The following KAZN variants were observed in gnomAD, a reference collection of about 807,000 sequenced individuals.
The protein encoded by KAZN is kazrin.
A neutral mutation model predicts 87.4 loss-of-function variants in KAZN; 40 were observed. The observed-to-expected ratio is 0.46, with a 90% CI of 0.36 to 0.60. KAZN has a LOEUF of 0.60. Among genes scored for constraint, KAZN ranks in the 20% least tolerant of loss-of-function variants. The pLI is 0.00. For synonymous variants in KAZN, 466 were observed against 458.3 expected (o/e 1.02, Z -0.22); for missense variants, 898 against 1,073.9 (o/e 0.84, Z 2.29).
At chr1:14,217,677 T>G (rs1646989068) in intron 2 of KAZN, among the ~76,000 whole-genome samples, 1 of 152,050 alleles carries the variant, frequency 6.6e-6, no homozygotes, top group Non-Finnish European at 1.5e-5. Context: ...ATTGTTTAAA[T>G]TACATATTGA....
chr1:15,065,027 CTTTTTTTTT>C (rs780410306), intron 7 of KAZN, among the ~76,000 whole-genome samples: 1 of 102,740 alleles, frequency 9.7e-6, no homozygotes, highest in East Asian at 2.8e-4. Flanking sequence ...CTTTTTCTTT[CTTTTTTTTT>C]TTTTTTTTTT....
chr1:14,824,113 C>CAA (rs56851270), intron 1 of KAZN, among the ~76,000 whole-genome samples: 1 of 125,260 alleles, frequency 8.0e-6, no homozygotes, highest in African/African-American at 3.0e-5. Context: ...GACTCCATCT[C>CAA]AAAAAAAAAA....
chr1:14,763,517 G>A (rs914416096), intron 1 of KAZN, among the ~76,000 whole-genome samples: 2 of 152,140 alleles, frequency 1.3e-5, no homozygotes, highest in African/African-American at 2.4e-5. Context: ...TGCCACCCCT[G>A]CCTCCCCTTG....
At chr1:14,627,944 C>T (rs888275891) in intron 1 of KAZN, among the ~76,000 whole-genome samples, 7 of 152,054 alleles carry the variant, frequency 4.6e-5, no homozygotes, top group African/African-American at 1.5e-4. Flanking sequence ...ATGTTTCCGA[C>T]GGCTGATGAC....
intron 2 of KAZN, among the ~76,000 whole-genome samples, chr1:14,252,285 G>A (rs1650114635): frequency 6.6e-6 from 1 of 152,176 alleles, no homozygotes; most frequent in Admixed American, 6.5e-5. Context: ...CTAGTCATAA[G>A]CTGATGGATA....
intron 2 of KAZN, among the ~76,000 whole-genome samples, chr1:14,276,742 G>A (rs1221012370): frequency 6.6e-6 from 1 of 152,132 alleles, no homozygotes; most frequent in Admixed American, 6.5e-5. Context: ...CACTTGCAAA[G>A]ACCTTATTTC....
At chr1:14,475,551 A>G (rs1668672116) in intron 2 of KAZN, among the ~76,000 whole-genome samples, 1 of 152,184 alleles carries the variant, frequency 6.6e-6, no homozygotes, top group Non-Finnish European at 1.5e-5. Context: ...CTTCACTAAA[A>G]CCCAGCAAAA....
At chr1:13,982,776 T>C (rs1638799169) in intron 1 of KAZN, among the ~76,000 whole-genome samples, 1 of 151,748 alleles carries the variant, frequency 6.6e-6, no homozygotes, top group Admixed American at 6.6e-5. Flanking sequence ...AGATACAGAG[T>C]GTCCACTGGT....
chr1:14,651,704 C>G (rs755365280), intron 1 of KAZN, among the ~76,000 whole-genome samples: 6 of 152,102 alleles, frequency 3.9e-5, no homozygotes, highest in African/African-American at 1.4e-4. Flanking sequence ...TTTCCCCCCA[C>G]GAGAATAACT....
chr1:14,264,010 T>G (rs1651282012), intron 2 of KAZN, among the ~76,000 whole-genome samples: 1 of 152,234 alleles, frequency 6.6e-6, no homozygotes, highest in African/African-American at 2.4e-5. Context: ...TTAATTTTTA[T>G]TTTTAGTTTG....
intron 1 of KAZN, among the ~76,000 whole-genome samples, chr1:14,869,095 G>T (rs1300892892): frequency 6.6e-6 from 1 of 152,124 alleles, no homozygotes; most frequent in Non-Finnish European, 1.5e-5. Context: ...AGTGAGAACC[G>T]CAGACTTGCC....
intron 1 of KAZN, among the ~76,000 whole-genome samples, chr1:13,948,209 C>T (rs981940002): frequency 1.2e-4 from 18 of 152,156 alleles, no homozygotes; most frequent in African/African-American, 4.3e-4. Context: ...GGCTGCTGAA[C>T]CACCTTCATA....
rs186111056 is a variant in KAZN at position 15,076,413 on chromosome 1, A to G, written c.1222+10660A>G. 3.3e-5 allele frequency among the ~76,000 whole-genome samples: 5 copies of G among 152,330 alleles called. No homozygotes were observed. The East Asian group carries it at 7.7e-4, about 24-fold the overall frequency. On this transcript the variant is annotated intron_variant, in intron 8 of 14. Coordinates refer to ENST00000376030, the MANE Select transcript of KAZN (RefSeq NM_201628.3). ...CTAGATCCTGAGGCTCAATCCCAGC[A>G]TCGGCACATGCCAGCTGTGCAACAC...
At chr1:14,395,386 G>A (rs1424983948) in intron 2 of KAZN, among the ~76,000 whole-genome samples, 1 of 152,122 alleles carries the variant, frequency 6.6e-6, no homozygotes, top group Non-Finnish European at 1.5e-5. Flanking sequence ...GGTAGGAAGA[G>A]ATGGATTTAG....
intron 2 of KAZN, among the ~76,000 whole-genome samples, chr1:14,467,993 T>G (rs1668256594): frequency 6.6e-6 from 1 of 152,190 alleles, no homozygotes; most frequent in Non-Finnish European, 1.5e-5. Context: ...GAGAGCAGTT[T>G]GGCTTAGCTT....
intron 1 of KAZN, among the ~76,000 whole-genome samples, chr1:14,958,050 C>A (rs531294531): frequency 6.6e-6 from 1 of 152,142 alleles, no homozygotes; most frequent in African/African-American, 2.4e-5. Flanking sequence ...TTCCCAAGGC[C>A]GCTGGTGGGA....
intron 1 of KAZN, among the ~76,000 whole-genome samples, chr1:14,611,404 A>G (rs1677806644): frequency 6.6e-6 from 1 of 152,166 alleles, no homozygotes; most frequent in Non-Finnish European, 1.5e-5. Flanking sequence ...GGGGCTTTTG[A>G]GTTTTAGGTT....
chr1:14,883,318 A>AAGAGAGAGAGAGAGAGAG lies in KAZN; in HGVS notation c.227-77358_227-77341dup, dbSNP rs1219653139. Among the ~76,000 whole-genome samples the AAGAGAGAGAGAGAGAGAG allele has an allele frequency of 9.3e-4, 36 of 38,590 alleles. 2 individuals carry two copies. Among genetic ancestry groups the AAGAGAGAGAGAGAGAGAG allele is most frequent in the East Asian group, 1.8e-3 (1 of 550 alleles). The allele number at this position is 38,590 out of a possible 152,430, so 25.3% of individuals were successfully genotyped here. On this transcript the variant is annotated intron_variant, in intron 1 of 14. Transcript: ENST00000376030. ...CTCAAAAGAAAGAAAGAAAGAAAGA[A>AAGAGAGAGAGAGAGAGAG]AGAGAGAGAGAGAGAGAGAGAGAGA... is the stretch of plus-strand genomic sequence containing the variant.
At chr1:13,957,141 G>A (rs949837634) in intron 1 of KAZN, among the ~76,000 whole-genome samples, 1 of 152,212 alleles carries the variant, frequency 6.6e-6, no homozygotes, top group Non-Finnish European at 1.5e-5. Context: ...AGAAGGTTAT[G>A]AATCAGGGAG....
Sources: allele counts gnomAD v4.1 joint callset (sites outside exome capture counted in the v4.1 genomes callset), GRCh38; gene constraint gnomAD v4.1.1; transcripts MANE v1.5; gene names NCBI Gene and HGNC (gene_info 2026-07-23, HGNC 2026-07-21).